Variants in ATP8B3 observed in about 807,000 individuals in gnomAD.
ATP8B3 encodes ATPase phospholipid transporting 8B3.
A neutral mutation model predicts 140.9 loss-of-function variants in ATP8B3; 141 were observed. The observed-to-expected ratio is 1.00, with a 90% confidence interval of 0.87 to 1.15. ATP8B3 has a LOEUF of 1.15. ATP8B3 is among the 50% of genes most tolerant of loss of function. The probability of loss-of-function intolerance (pLI) is 0.00; values close to 1 mark genes in which losing one functional copy is unlikely to be tolerated. For missense variants in ATP8B3, 1,874 were observed against 1,740.6 expected, an observed-to-expected ratio of 1.08 and a Z score of -1.36; for synonymous variants, 765 against 714.6, an observed-to-expected ratio of 1.07 and a Z score of -1.13.
At chr19:1,796,490 C>T (rs1273157489) in intron 16 of ATP8B3, among the ~76,000 whole-genome samples, 2 of 152,264 alleles carry the variant, frequency 1.3e-5, no homozygotes, top group African/African-American at 4.8e-5. Flanking sequence ...ATCCTTTAGC[C>T]CTGACGATGA....
At chr19:1,786,505 G>T (rs180996392) in intron 25 of ATP8B3, among the ~76,000 whole-genome samples, 2 of 151,522 alleles carry the variant, frequency 1.3e-5, no homozygotes, top group African/African-American at 4.9e-5. Context: ...GGCAGAGGTT[G>T]CAGTGAGCTG....
At position 1,806,216 on chromosome 19, in the gene ATP8B3, C is replaced by G. The variant is rs764816111; in HGVS notation, c.678-47G>C. 2.6e-6 allele frequency: 4 copies of G among 1,551,478 alleles called. No homozygotes were observed. In the Admixed American group the frequency reaches 7.8e-5, roughly 30 times the overall value. ...AAGGAGGCCCCTCCCTCTGCCAACC[C>G]TCCCCACACCGGGAGACCAGAGGCA... is the stretch of plus-strand genomic sequence containing the variant. On this transcript the variant is annotated intron_variant, in intron 7 of 28. Transcript: ENST00000310127. The surrounding 1 kb of genome is among the most constrained non-coding windows in gnomAD (Gnocchi z 5.6).
At position 1,800,172 on chromosome 19, in the gene ATP8B3, G is replaced by A. The variant is rs749842539; in HGVS notation, c.1344-17C>T. On this transcript the variant is annotated splice_polypyrimidine_tract_variant and intron_variant, in intron 13 of 28. Coordinates refer to ENST00000310127, the MANE Select transcript of ATP8B3 (RefSeq NM_138813.4). This position sits in a 1 kb window ranked among gnomAD's most constrained non-coding sequence, Gnocchi z 4.4. ...AACTCGGACCTGCAGAGGCACTCAG[G>A]GTCACGGTCAGCCCCGCCTGCTGTG... 1.2e-5 allele frequency: 19 copies of A among 1,563,676 alleles called. No homozygotes were observed. In the South Asian group the frequency reaches 1.5e-4, roughly 13 times the overall value.
intron 26 of ATP8B3, 33 bp from the exon 27 acceptor site, chr19:1,785,330 C>T: frequency 6.4e-7 from 1 of 1,565,310 alleles, no homozygotes; most frequent in Non-Finnish European, 8.7e-7. Context: ...AATCCGGGGC[C>T]TAGCGGGGCT....
rs1390268876 is a variant in ATP8B3 at position 1,802,564 on chromosome 19, A to G, written c.986T>C (p.Leu329Pro). 1.2e-6 allele frequency: 2 copies of G among 1,611,186 alleles called. No homozygotes were observed. Among genetic ancestry groups the G allele is most frequent in the East Asian group, 2.2e-5 (1 of 44,706 alleles). The change falls in exon 11 of 29, where the codon CTG (leucine) becomes CCG (proline). Residue 329 changes from leucine (L) to proline (P), a missense_variant. This residue lies in a region of ATP8B3 where 1,032 missense variants were observed against 963.6 expected (regional missense o/e 1.07). Coordinates refer to ENST00000310127, the MANE Select transcript of ATP8B3 (RefSeq NM_138813.4). The stretch of plus-strand genomic sequence containing the variant: ...TCGGAGGAGGAGGTTGCCAATGTCC[A>G]GGGAGTATTTCTTGTCATTCCATTC... ...CLEWNDKKYS[L>P]DIGNLLLRGC...
At position 1,794,944 on chromosome 19, in the gene ATP8B3, C is replaced by T. The variant is rs913336266; in HGVS notation, c.2055+931G>A. ...AGCTGGGCCAGCTCAACCGCACGGTCGTCTTGTGCAAATGAGAAAAATACA... is the reference window on the plus strand; with the variant it reads ...AGCTGGGCCAGCTCAACCGCACGGTTGTCTTGTGCAAATGAGAAAAATACA... On this transcript the variant is annotated intron_variant, in intron 18 of 28. Transcript: ENST00000310127. This position sits in a 1 kb window ranked among gnomAD's most constrained non-coding sequence, Gnocchi z 4.8. Among the ~76,000 whole-genome samples, 3 of 152,190 alleles carry T rather than the reference C, an allele frequency of 2.0e-5. No homozygotes were observed. The highest frequency in any genetic ancestry group is 4.1e-4 in the South Asian group (2 of 4,832).
chr19:1,810,477 G>A (rs2069155789), intron 3 of ATP8B3, 145 bp downstream of exon 3: 1 of 695,172 alleles, frequency 1.4e-6, no homozygotes, highest in African/African-American at 1.9e-5. Flanking sequence ...ATGTTGCCCA[G>A]GCTCTCGAAC....
intron 2 of ATP8B3, 132 bp from the exon 3 acceptor site, chr19:1,810,815 C>G (rs1024277185): frequency 1.3e-6 from 1 of 772,624 alleles, no homozygotes; most frequent in African/African-American, 1.8e-5. Flanking sequence ...CTGCAGCCTC[C>G]CCGCCAGGCT....
At position 1,796,779 on chromosome 19, in the gene ATP8B3, C is replaced by T. The variant is rs374253006; in HGVS notation, c.1685G>A (p.Arg562Gln). The T allele has an allele frequency of 5.0e-6, 8 of 1,612,348 alleles. No individual in the cohort carries two copies. The highest frequency in any genetic ancestry group is 4.5e-5 in the East Asian group (2 of 44,884). Reference sequence around the variant, plus strand: ...GATGGCCAGCAGGCGCCAGAACTCCCGCACGGCCTCGTCCCCGTTGGTCCG... The same window carrying T: ...GATGGCCAGCAGGCGCCAGAACTCCTGCACGGCCTCGTCCCCGTTGGTCCG... ...LVRTNGDEAV[R>Q]EFWRLLAICH... The change falls in exon 16 of 29, where the codon CGG (arginine) becomes CAG (glutamine). Residue 562 changes from arginine (R) to glutamine (Q), a missense_variant. Arg to Gln is a conservative substitution (Grantham distance 43). Transcript: ENST00000310127.
Position 1,805,844 on chromosome 19 carries a change from G to T in ATP8B3, c.821+44C>A, listed in dbSNP as rs1462244794. On this transcript the variant is annotated intron_variant, in intron 9 of 28. Coordinates refer to ENST00000310127, the MANE Select transcript of ATP8B3 (RefSeq NM_138813.4). The surrounding 1 kb of genome is among the most constrained non-coding windows in gnomAD (Gnocchi z 5.2). Reference sequence around the variant, plus strand: ...GGGGAAGGGGGCTCCTCCGGGCCATGCTCCCCACCCCCCAGGGTCCCCAGC... The same window carrying T: ...GGGGAAGGGGGCTCCTCCGGGCCATTCTCCCCACCCCCCAGGGTCCCCAGC... The T allele has an allele frequency of 6.2e-7, 1 of 1,608,140 alleles. No individual in the cohort carries two copies. Among genetic ancestry groups the T allele is most frequent in the Non-Finnish European group, 8.5e-7 (1 of 1,176,200 alleles).
chr19:1,785,853 A>G (rs1027444399), intron 25 of ATP8B3, 145 bp from the exon 26 acceptor site: 3 of 938,234 alleles, frequency 3.2e-6, no homozygotes, highest in Admixed American at 2.7e-5. Context: ...AAGTAAGGCC[A>G]GGCACGGTGG....
Position 1,795,961 on chromosome 19 carries a change from G to T in ATP8B3, c.1969C>A (p.Leu657Met). 1 of 1,613,304 alleles carries T rather than the reference G, an allele frequency of 6.2e-7. No homozygotes were observed. Among genetic ancestry groups the T allele is most frequent in the Non-Finnish European group, 8.5e-7 (1 of 1,179,870 alleles). ...ACCGTGTCGGCGCCCTTGGTGTACA[G>T]GCAGATGGCGCCCTCTGGCTTTCGA... ...LVRKPEGAIC[L>M]YTKGADTVIF... Residue 657 changes from leucine (L) to methionine (M), a missense_variant, in exon 18 of 29, where the codon CTG (leucine) becomes ATG (methionine). By Grantham distance (15) the Leu-to-Met change is conservative (BLOSUM62 2). Around this residue, in one of 3 missense-constraint regions of ATP8B3, gnomAD observed 1,032 missense variants for 963.6 expected, o/e 1.07. Transcript: ENST00000310127.
At position 1,811,732 on chromosome 19, in the gene ATP8B3, C is replaced by A; in HGVS notation, c.5G>T (p.Gly2Val). 6.3e-7 allele frequency: 1 copy of A among 1,588,868 alleles called. No homozygotes were observed. Among genetic ancestry groups the A allele is most frequent in the Non-Finnish European group, 8.5e-7 (1 of 1,172,336 alleles). Reference protein sequence around the residue: MGTGPAQTPRST... With the variant: MVTGPAQTPRST... ...CCTGGGAGTCTGAGCGGGGCCAGTG[C>A]CCATTCACCGCATGAGGAAAAGGGA... is the stretch of plus-strand genomic sequence containing the variant. The change falls in exon 2 of 29, where the codon GGC becomes GTC. Residue 2 changes from glycine to valine, a missense_variant. Gly to Val is a moderately radical substitution (Grantham distance 109, BLOSUM62 -3). Coordinates refer to ENST00000310127, the MANE Select transcript of ATP8B3 (RefSeq NM_138813.4).
intron 28 of ATP8B3, among the ~76,000 whole-genome samples, chr19:1,784,083 G>A (rs1206257270): frequency 1.3e-5 from 2 of 152,080 alleles, no homozygotes; most frequent in East Asian, 3.8e-4. Flanking sequence ...GTGTTTCATT[G>A]CACAGATGGA....
At position 1,794,798 on chromosome 19, in the gene ATP8B3, A is replaced by T. The variant is rs570819070; in HGVS notation, c.2055+1077T>A. Among the ~76,000 whole-genome samples, 70 of 152,256 alleles carry T rather than the reference A, an allele frequency of 4.6e-4. No homozygotes were observed. The highest frequency in any genetic ancestry group is 1.7e-3 in the African/African-American group (69 of 41,548). ...AGGGAGTCCCTTGGTGAGGCCAAAG[A>T]GAGACCAGGCTGGAGAGGTCAGCAG... On this transcript the variant is annotated intron_variant, in intron 18 of 28. Transcript: ENST00000310127. The surrounding 1 kb of genome is among the most constrained non-coding windows in gnomAD (Gnocchi z 4.8).
rs3764606 is a variant in ATP8B3, at chr19:1,784,945, A to G, written c.3534T>C (p.Tyr1178=). The change falls in exon 28 of 29, where the codon TAT becomes TAC. Residue 1178 remains tyrosine, a splice_region_variant and synonymous_variant. Coordinates refer to ENST00000310127, the MANE Select transcript of ATP8B3 (RefSeq NM_138813.4). Reference sequence around the variant, plus strand: ...GAGAGGACATCACGCTGAGGTCGGCATCTGGGGACAGGGCGGGGTCACAGC... The same window carrying G: ...GAGAGGACATCACGCTGAGGTCGGCGTCTGGGGACAGGGCGGGGTCACAGC... ...RVSPTTFPFL[Y]ADLSVMSSPS... 752,806 of 1,606,666 alleles carry G rather than the reference A, an allele frequency of 0.47. 178,827 individuals are homozygous for G. The highest frequency in any genetic ancestry group is 0.5 in the Middle Eastern group (3,001 of 5,968).
rs1485312210 is a variant in ATP8B3, at chr19:1,806,095, A to G, written c.750+2T>C. The G allele has an allele frequency of 3.1e-6, 5 of 1,601,482 alleles. No homozygotes were observed. The highest frequency in any genetic ancestry group is 4.3e-6 in the Non-Finnish European group (5 of 1,174,698). On this transcript the variant is annotated splice_donor_variant, in intron 8 of 28. Coordinates refer to ENST00000310127, the MANE Select transcript of ATP8B3 (RefSeq NM_138813.4). LOFTEE classifies it high-confidence loss of function. The surrounding 1 kb of genome is among the most constrained non-coding windows in gnomAD (Gnocchi z 5.6). Reference sequence around the variant, plus strand: ...GGGACCTCGGGGTCAACCCCAGCTCACTGGGACGATGTTGTCCTTGCGGAG... The same window carrying G: ...GGGACCTCGGGGTCAACCCCAGCTCGCTGGGACGATGTTGTCCTTGCGGAG...
chr19:1,784,729 G>A, intron 28 of ATP8B3, 90 bp downstream of exon 28: 2 of 1,442,494 alleles, frequency 1.4e-6, no homozygotes, highest in African/African-American at 1.4e-5. Flanking sequence ...GAGGGGCCGG[G>A]ACACCTTGCA....
intron 5 of ATP8B3, 76 bp downstream of exon 5, chr19:1,808,146 A>T (rs1053989140): frequency 2.5e-6 from 3 of 1,217,968 alleles, no homozygotes; most frequent in Middle Eastern, 1.9e-4. Flanking sequence ...ACGTGAACCC[A>T]CCCATCACAC....
Sources: gnomAD v4.1 joint callset for allele counts (sites outside exome capture counted in the v4.1 genomes callset) on GRCh38, gnomAD v4.1.1 for gene constraint, gnomAD v4.1.1 regional missense constraint, Gnocchi (gnomAD v3.1) non-coding constraint, MANE v1.5 for transcripts, NCBI Gene and HGNC (gene_info 2026-07-23, HGNC 2026-07-21) for gene names.